The following SLC7A2 variants were observed in gnomAD, a reference collection of about 807,000 sequenced individuals.
SLC7A2 encodes cationic amino acid transporter 2.
In SLC7A2, 48 loss-of-function variants were observed where a neutral mutation model predicts 58.9. That is an observed-to-expected ratio of 0.82 (90% CI 0.65 to 1.04). The LOEUF (loss-of-function observed/expected upper bound fraction) is 1.04, where lower values mean the gene tolerates loss of function less well. SLC7A2 is among the 50% of genes least tolerant of loss of function. SLC7A2 has a pLI of 0.00. For missense variants in SLC7A2, 1,029 were observed against 818.8 expected (o/e 1.26, Z -3.13); for synonymous variants, 363 against 314.5 (o/e 1.15, Z -1.63).
chr8:17,554,589 G>T lies in SLC7A2; in HGVS notation c.1085G>T (p.Arg362Leu), dbSNP rs571673083. The T allele has an allele frequency of 1.2e-6, 2 of 1,607,392 alleles. No homozygotes were observed. Among genetic ancestry groups the T allele is most frequent in the Admixed American group, 1.7e-5 (1 of 57,970 alleles). Residue 362 changes from arginine (R) to leucine (L), a missense_variant, in exon 8 of 13, where the codon CGT (arginine) becomes CTT (leucine). Coordinates refer to ENST00000494857, the MANE Select transcript of SLC7A2 (RefSeq NM_001370338.1). ...CTTGGATCCATTTTCCCAATGCCTCGTGTAATCTATGCTATGGCGGAGGAT... is the reference window on the plus strand; with the variant it reads ...CTTGGATCCATTTTCCCAATGCCTCTTGTAATCTATGCTATGGCGGAGGAT... ...SLLGSIFPMP[R>L]VIYAMAEDGL...
intron 11 of SLC7A2, 143 bp downstream of exon 11, chr8:17,562,253 T>C: frequency 1.2e-6 from 1 of 811,766 alleles, no homozygotes; most frequent in Non-Finnish European, 1.8e-6. Flanking sequence ...CAGGCTGGAG[T>C]GCAATGGAGC....
At chr8:17,548,215 C>G (rs774743850) in intron 4 of SLC7A2, among the ~76,000 whole-genome samples, 2 of 152,100 alleles carry the variant, frequency 1.3e-5, no homozygotes, top group Non-Finnish European at 2.9e-5. Flanking sequence ...GTGGCACACA[C>G]CTGTAGTCCC....
chr8:17,561,806 G>A (rs906093897), intron 10 of SLC7A2, 138 bp from the exon 11 acceptor site: 1 of 746,136 alleles, frequency 1.3e-6, no homozygotes, highest in South Asian at 2.0e-5. Flanking sequence ...AAGAAGAAAG[G>A]GCAAGGCGAA....
intron 2 of SLC7A2, among the ~76,000 whole-genome samples, chr8:17,542,821 G>A (rs1465510598): frequency 1.3e-5 from 2 of 152,016 alleles, no homozygotes; most frequent in African/African-American, 4.8e-5. Flanking sequence ...TGGACATGGT[G>A]GCTCACACCT....
chr8:17,540,329 T>A (rs1477854496), intron 2 of SLC7A2, among the ~76,000 whole-genome samples: 1 of 152,156 alleles, frequency 6.6e-6, no homozygotes, highest in Non-Finnish European at 1.5e-5. Context: ...ACCTGCCAGT[T>A]CTGAGAAGTT....
chr8:17,545,770 A>G (rs1802142399), intron 4 of SLC7A2, among the ~76,000 whole-genome samples: 6 of 152,050 alleles, frequency 3.9e-5, no homozygotes, highest in Admixed American at 3.3e-4. Flanking sequence ...CTAAGAGTAA[A>G]AACCATGTCT....
chr8:17,520,176 A>T (rs1000739455), intron 2 of SLC7A2, among the ~76,000 whole-genome samples: 4 of 152,200 alleles, frequency 2.6e-5, no homozygotes, highest in Admixed American at 2.0e-4. Context: ...AACCAATTGC[A>T]AACATGTTTT....
rs1429528236 is a variant in SLC7A2 at position 17,555,140 on chromosome 8, C to T, written c.1195+441C>T. 2.0e-5 allele frequency: 31 copies of T among 1,542,186 alleles called. No homozygotes were observed. The South Asian group carries it at 2.5e-4, about 13-fold the overall frequency. ...TAGACTGGAACATTTAATTCGCATG[C>T]ATGGACTTATAAAGAGGGTCTGCAT... On this transcript the variant is annotated intron_variant, in intron 8 of 12. Coordinates refer to ENST00000494857, the MANE Select transcript of SLC7A2 (RefSeq NM_001370338.1).
chr8:17,538,751 G>T, intron 2 of SLC7A2: 1 of 1,591,082 alleles, frequency 6.3e-7, no homozygotes, highest in South Asian at 1.1e-5. Flanking sequence ...TTATCTATAC[G>T]ATTTAATTAC....
chr8:17,560,274 C>G (rs1802902580), intron 9 of SLC7A2, 54 bp from the exon 10 acceptor site: 1 of 1,427,464 alleles, frequency 7.0e-7, no homozygotes, highest in South Asian at 1.2e-5. Context: ...GCTGGTTTCA[C>G]TTGGGCCAAA....
rs1246038381 is a variant in SLC7A2 at position 17,568,538 on chromosome 8, C to T, written c.*3392C>T. 1 of 151,986 alleles carries T rather than the reference C, an allele frequency of 6.6e-6. No individual in the cohort carries two copies. Among genetic ancestry groups the T allele is most frequent in the Non-Finnish European group, 1.5e-5 (1 of 67,992 alleles). 9.4% of individuals were successfully genotyped at this position (151,986 alleles called of 1,614,324 possible). ...AAATATTAGTTTCAGAATTACCCTC[C>T]TTTAAAAAATAAGAGACTATTTGTT... is the stretch of plus-strand genomic sequence containing the variant. On this transcript the variant is annotated 3_prime_UTR_variant, in exon 13 of 13. Transcript: ENST00000494857.
At chr8:17,497,957 C>G (rs972954005) in intron 1 of SLC7A2, among the ~76,000 whole-genome samples, 3 of 152,174 alleles carry the variant, frequency 2.0e-5, no homozygotes, top group Non-Finnish European at 4.4e-5. Context: ...CCTTTTCATC[C>G]TCTTTTGACG....
intron 2 of SLC7A2, chr8:17,510,477 C>T (rs1800559898): frequency 6.6e-6 from 1 of 152,222 alleles, no homozygotes; most frequent in Non-Finnish European, 1.5e-5. Context: ...TATTTCTCCA[C>T]AGCCTTGCCA....
chr8:17,547,263 C>G (rs534329995), intron 4 of SLC7A2, among the ~76,000 whole-genome samples: 1 of 152,020 alleles, frequency 6.6e-6, no homozygotes, highest in South Asian at 2.1e-4. Context: ...GGGTGTCAGG[C>G]AAGAGAGCAT....
At chr8:17,552,904 C>T (rs984247303) in intron 7 of SLC7A2, among the ~76,000 whole-genome samples, 14 of 152,184 alleles carry the variant, frequency 9.2e-5, no homozygotes, top group Non-Finnish European at 1.6e-4. Context: ...AAATAAGGTT[C>T]TGAAAGTCTG....
rs80337770 is a variant in SLC7A2 at position 17,548,703 on chromosome 8, G to A, written c.558G>A (p.Glu186=). ...GTCTTTTGTCTTTTGGAGTAAAAGA[G>A]TCTGCTTGGGTGAATAAAGTCTTCA... The part of the protein sequence containing the change: ...LAGLLSFGVK[E]SAWVNKVFTA... Residue 186 remains glutamate, a synonymous_variant, in exon 5 of 13, where the codon GAG becomes GAA. Coordinates refer to ENST00000494857, the MANE Select transcript of SLC7A2 (RefSeq NM_001370338.1). 345 of 1,609,628 alleles carry A rather than the reference G, an allele frequency of 2.1e-4. 1 individual carries two copies. The East Asian group carries it at 7.1e-3, about 33-fold the overall frequency.
chr8:17,500,565 C>G (rs1356544983), intron 1 of SLC7A2: 1 of 152,160 alleles, frequency 6.6e-6, no homozygotes. Context: ...CACATGTATA[C>G]CTATGTAACA....
At chr8:17,502,363 A>C (rs1243533876) in intron 2 of SLC7A2, 61 bp downstream of exon 2, 1 of 152,170 alleles carries the variant, frequency 6.6e-6, no homozygotes, top group Non-Finnish European at 1.5e-5. Context: ...GATAAAAAAA[A>C]AATGTTGACA....
At chr8:17,562,758 A>G (rs1803080612) in intron 11 of SLC7A2, among the ~76,000 whole-genome samples, 2 of 152,228 alleles carry the variant, frequency 1.3e-5, no homozygotes, top group Non-Finnish European at 2.9e-5. Flanking sequence ...ATTTCATGTT[A>G]AAGAAGCTAT....
Sources: gnomAD v4.1 joint callset for allele counts (sites outside exome capture counted in the v4.1 genomes callset) on GRCh38, gnomAD v4.1.1 for gene constraint, MANE v1.5 for transcripts, NCBI Gene and HGNC (gene_info 2026-07-23, HGNC 2026-07-21) for gene names.